The following KIAA0040 variants were observed in gnomAD, a reference collection of about 807,000 sequenced individuals.
KIAA0040 encodes the protein KIAA0040, also known as uncharacterized protein KIAA0040.
KIAA0040 carries 10 observed loss-of-function variants against 7.2 expected under a neutral mutation model. That is an observed-to-expected ratio of 1.38 (90% CI 0.85 to 2.34). The LOEUF is 2.34. Ranked by LOEUF, KIAA0040 falls within the 30% of genes most tolerant of loss-of-function variation. KIAA0040 has a pLI of 0.00. For synonymous variants in KIAA0040, 49 were observed against 40.1 expected (o/e 1.22, Z -0.84); for missense variants, 89 against 108.2 (o/e 0.82, Z 0.79).
intron 2 of KIAA0040, among the ~76,000 whole-genome samples, chr1:175,172,654 C>T (rs1677033567): frequency 6.6e-6 from 1 of 152,196 alleles, no homozygotes; most frequent in Non-Finnish European, 1.5e-5. Flanking sequence ...AGTGCTTTTT[C>T]CATTTATTCT....
intron 1 of KIAA0040, among the ~76,000 whole-genome samples, chr1:175,187,903 TA>T (rs376352656): frequency 7.4e-5 from 11 of 149,204 alleles, no homozygotes; most frequent in Non-Finnish European, 1.0e-4. Flanking sequence ...CCTGGGAAAC[TA>T]AAAAAAAAAT....
At chr1:175,174,599 T>C (rs1429806470) in intron 2 of KIAA0040, among the ~76,000 whole-genome samples, 1 of 152,140 alleles carries the variant, frequency 6.6e-6, no homozygotes, top group East Asian at 1.9e-4. Flanking sequence ...CAATGCAAAG[T>C]AGTGGTATTT....
intron 1 of KIAA0040, among the ~76,000 whole-genome samples, chr1:175,191,567 C>G (rs573514998): frequency 5.9e-5 from 9 of 152,332 alleles, no homozygotes; most frequent in Admixed American, 5.2e-4. Context: ...AGTTTAAAGG[C>G]TGGTAAGACG....
At chr1:175,161,288 A>G in intron 3 of KIAA0040, 142 bp from the exon 4 acceptor site, 1 of 349,606 alleles carries the variant, frequency 2.9e-6, no homozygotes, top group Non-Finnish European at 5.2e-6. Flanking sequence ...GACTCAATAA[A>G]CAAGATAAAT....
At chr1:175,179,525 A>G (rs1677352912) in intron 1 of KIAA0040, among the ~76,000 whole-genome samples, 1 of 152,198 alleles carries the variant, frequency 6.6e-6, no homozygotes, top group Admixed American at 6.5e-5. Flanking sequence ...GAAATGAAAT[A>G]TCACCAAACC....
intron 2 of KIAA0040, among the ~76,000 whole-genome samples, chr1:175,170,352 A>G (rs1445625898): frequency 2.0e-5 from 3 of 152,094 alleles, no homozygotes; most frequent in Admixed American, 6.5e-5. Flanking sequence ...AGGCCTTCAA[A>G]TGGCCTCTAG....
chr1:175,179,404 CACTGGTAATCTGCCCCA>C (rs1677347665), intron 1 of KIAA0040, among the ~76,000 whole-genome samples: 1 of 152,144 alleles, frequency 6.6e-6, no homozygotes, highest in African/African-American at 2.4e-5. Flanking sequence ...CCCATGGGCT[CACTGGTAATCTGCCCCA>C]ACCGGTCAGG....
At chr1:175,186,951 C>T (rs1173833824) in intron 1 of KIAA0040, among the ~76,000 whole-genome samples, 1 of 152,158 alleles carries the variant, frequency 6.6e-6, no homozygotes, top group African/African-American at 2.4e-5. Flanking sequence ...CACTGTTATG[C>T]TGTGCTGGCA....
At chr1:175,174,957 T>C (rs1400968977) in intron 2 of KIAA0040, among the ~76,000 whole-genome samples, 2 of 152,176 alleles carry the variant, frequency 1.3e-5, no homozygotes, top group Admixed American at 6.5e-5. Context: ...TTGGAGCCAA[T>C]GTTTGTGGGT....
intron 2 of KIAA0040, among the ~76,000 whole-genome samples, chr1:175,172,418 A>C (rs538802766): frequency 3.2e-4 from 49 of 152,244 alleles, no homozygotes; most frequent in Admixed American, 5.9e-4. Flanking sequence ...ACAAAAATAA[A>C]AATTAAAAAA....
intron 1 of KIAA0040, among the ~76,000 whole-genome samples, chr1:175,184,627 C>T (rs2101907586): frequency 6.6e-6 from 1 of 152,318 alleles, no homozygotes; most frequent in South Asian, 2.1e-4. Flanking sequence ...GTTTATGAAC[C>T]TATGTTTAAT....
intron 2 of KIAA0040, among the ~76,000 whole-genome samples, chr1:175,170,094 G>A (rs893479143): frequency 3.3e-5 from 5 of 152,150 alleles, no homozygotes; most frequent in South Asian, 2.1e-4. Context: ...CTGAGATCTC[G>A]GGGTGCTAAG....
rs1304208356 is a variant in KIAA0040, at chr1:175,160,623, T to C, written c.*91A>G. 2.5e-6 allele frequency: 3 copies of C among 1,184,572 alleles called. No homozygotes were observed. The highest frequency in any genetic ancestry group is 2.8e-5 in the Admixed American group (1 of 35,834). The allele number at this position is 1,184,572 out of a possible 1,614,324, so 73.4% of individuals were successfully genotyped here. ...AGTAGTTACTCTGTGGACATGGACA[T>C]AGTGCATTATTTCAGGGGTTCCTGA... On this transcript the variant is annotated 3_prime_UTR_variant, in exon 4 of 4. Transcript: ENST00000423313.
intron 2 of KIAA0040, among the ~76,000 whole-genome samples, chr1:175,171,502 A>T (rs1476967400): frequency 6.6e-6 from 1 of 152,248 alleles, no homozygotes; most frequent in Non-Finnish European, 1.5e-5. Context: ...GGGGAGAAAG[A>T]GTAGAAGAAC....
intron 3 of KIAA0040, among the ~76,000 whole-genome samples, chr1:175,164,602 A>G (rs1273931651): frequency 1.3e-5 from 2 of 152,186 alleles, no homozygotes; most frequent in African/African-American, 4.8e-5. Context: ...TAAGTCAATA[A>G]TTCTCTTCTG....
chr1:175,185,162 T>C (rs1677607957), intron 1 of KIAA0040, among the ~76,000 whole-genome samples: 2 of 152,170 alleles, frequency 1.3e-5, no homozygotes, highest in South Asian at 4.1e-4. Context: ...GCTGAACTGG[T>C]AATTCCAGTA....
intron 1 of KIAA0040, among the ~76,000 whole-genome samples, chr1:175,188,375 C>T (rs945630149): frequency 1.3e-5 from 2 of 152,128 alleles, no homozygotes; most frequent in African/African-American, 4.8e-5. Flanking sequence ...TGGGCTCTGG[C>T]CCTGGGGATT....
intron 1 of KIAA0040, among the ~76,000 whole-genome samples, chr1:175,179,045 A>T (rs1677331939): frequency 6.6e-6 from 1 of 151,886 alleles, no homozygotes. Flanking sequence ...GGAGGGCTGG[A>T]CATTCTGGTG....
intron 1 of KIAA0040, among the ~76,000 whole-genome samples, chr1:175,186,487 T>C (rs1677663584): frequency 6.6e-6 from 1 of 152,210 alleles, no homozygotes. Flanking sequence ...GTCAGGAGCA[T>C]CCGAACTTCT....
Sources: gnomAD v4.1 joint callset for allele counts (sites outside exome capture counted in the v4.1 genomes callset) on GRCh38, gnomAD v4.1.1 for gene constraint, MANE v1.5 for transcripts, NCBI Gene and HGNC (gene_info 2026-07-23, HGNC 2026-07-21) for gene names.